The following SLC44A5 variants were observed in gnomAD, a reference collection of about 807,000 sequenced individuals.
SLC44A5 encodes the protein choline transporter-like protein 5.
A neutral mutation model predicts 101.8 loss-of-function variants in SLC44A5; 57 were observed. That is an observed-to-expected ratio of 0.56 (90% CI 0.45 to 0.70). The LOEUF is 0.70. Among genes scored for constraint, SLC44A5 ranks in the 30% least tolerant of loss-of-function variants. SLC44A5 has a pLI of 0.00. For synonymous variants in SLC44A5, 281 were observed against 290.9 expected, an observed-to-expected ratio of 0.97 and a Z score of 0.35; for missense variants, 737 against 853.1, an observed-to-expected ratio of 0.86 and a Z score of 1.70.
chr1:75,656,471 T>C, the SLC44A5 span, among the ~76,000 whole-genome samples: 3 of 152,180 alleles, frequency 2.0e-5, no homozygotes, highest in Admixed American at 6.5e-5. Context: ...AGATAGGCTA[T>C]ATAAAAAGAC....
intron 2 of SLC44A5, among the ~76,000 whole-genome samples, chr1:75,529,503 C>G (rs1022243019): frequency 1.3e-5 from 2 of 152,096 alleles, no homozygotes; most frequent in Non-Finnish European, 2.9e-5. Context: ...TCAGGGTGGC[C>G]CAGTAAATGC....
intron 9 of SLC44A5, among the ~76,000 whole-genome samples, chr1:75,239,415 T>C (rs1444181530): frequency 1.3e-5 from 2 of 152,018 alleles, no homozygotes; most frequent in African/African-American, 4.8e-5. Flanking sequence ...TTTTTTCTTA[T>C]AAGAAGCATC....
chr1:75,206,392 A>G (rs537398619), intron 23 of SLC44A5: 1 of 440,950 alleles, frequency 2.3e-6, no homozygotes, highest in Non-Finnish European at 4.0e-6. Context: ...AAAACGTTTG[A>G]CATTAACATT....
chr1:75,619,082 G>GA, the SLC44A5 span, among the ~76,000 whole-genome samples: 2 of 74,896 alleles, frequency 2.7e-5, no homozygotes, highest in African/African-American at 1.0e-4. Context: ...AAAAAAAAGG[G>GA]GGGGGGGAAG....
intron 22 of SLC44A5, among the ~76,000 whole-genome samples, chr1:75,211,830 T>C (rs553909738): frequency 6.6e-6 from 1 of 151,358 alleles, no homozygotes; most frequent in African/African-American, 2.4e-5. Flanking sequence ...TTTCTTTTCT[T>C]TTCTTTTTTT....
At chr1:75,446,680 A>ACG (rs1330173595) in intron 2 of SLC44A5, among the ~76,000 whole-genome samples, 1 of 151,962 alleles carries the variant, frequency 6.6e-6, no homozygotes, top group African/African-American at 2.4e-5. Context: ...ACACACATAC[A>ACG]CACACACAAT....
chr1:75,491,607 C>T (rs1323770797), intron 2 of SLC44A5, among the ~76,000 whole-genome samples: 2 of 152,186 alleles, frequency 1.3e-5, no homozygotes, highest in East Asian at 3.9e-4. Context: ...AGCTTCCTGG[C>T]TCATGATGCT....
At chr1:75,639,944 C>A in the SLC44A5 span, among the ~76,000 whole-genome samples, 1 of 151,948 alleles carries the variant, frequency 6.6e-6, no homozygotes, top group African/African-American at 2.4e-5. Context: ...CTTTTCCAAC[C>A]ATTGAAAGAA....
Position 75,325,225 on chromosome 1 carries a change from AAGAC to A in SLC44A5, c.101+14353_101+14356del, listed in dbSNP as rs555246395. On this transcript the variant is annotated intron_variant, in intron 4 of 23. Transcript: ENST00000370859. ...GGACTTGACCTTCACATGTGAGTAAAAGACAGAAGAGGGCACTGAGGACACCATT... is the reference window on the plus strand; with the variant it reads ...GGACTTGACCTTCACATGTGAGTAAAAGAAGAGGGCACTGAGGACACCATT... Among the ~76,000 whole-genome samples, 704 of 152,266 alleles carry A rather than the reference AAGAC, an allele frequency of 4.6e-3. 3 individuals carry two copies. Among genetic ancestry groups the A allele is most frequent in the Non-Finnish European group, 5.2e-3 (356 of 68,008 alleles).
intron 23 of SLC44A5, among the ~76,000 whole-genome samples, chr1:75,204,088 G>A (rs143849362): frequency 4.7e-4 from 72 of 152,110 alleles, no homozygotes; most frequent in South Asian, 1.2e-3. Flanking sequence ...CCAATATTGC[G>A]TGTCTCTCAG....
intron 6 of SLC44A5, among the ~76,000 whole-genome samples, chr1:75,266,973 C>T (rs1009087144): frequency 1.3e-5 from 2 of 152,190 alleles, no homozygotes; most frequent in Admixed American, 6.6e-5. Context: ...ATGAGATTGT[C>T]AGCACTATAT....
intron 13 of SLC44A5, among the ~76,000 whole-genome samples, chr1:75,224,462 C>T (rs1237798457): frequency 1.3e-5 from 2 of 152,072 alleles, no homozygotes; most frequent in African/African-American, 2.4e-5. Flanking sequence ...ATGACAGCTC[C>T]ATGTTTTTTA....
chr1:75,616,606 C>G, the SLC44A5 span, among the ~76,000 whole-genome samples: 2 of 152,200 alleles, frequency 1.3e-5, no homozygotes, highest in African/African-American at 4.8e-5. Flanking sequence ...ACAGCCTCCT[C>G]GAGGATAGCG....
chr1:75,699,805 A>G, the SLC44A5 span, among the ~76,000 whole-genome samples: 1 of 152,196 alleles, frequency 6.6e-6, no homozygotes, highest in South Asian at 2.1e-4. Context: ...AAAGAGATGG[A>G]GGAAGATCTA....
intron 3 of SLC44A5, among the ~76,000 whole-genome samples, chr1:75,374,777 T>A: frequency 6.6e-6 from 1 of 152,106 alleles, no homozygotes; most frequent in East Asian, 1.9e-4. Flanking sequence ...GCCTTGGCCC[T>A]CTAAAAGCAC....
At chr1:75,414,404 C>G (rs1480009024) in intron 2 of SLC44A5, among the ~76,000 whole-genome samples, 3 of 151,716 alleles carry the variant, frequency 2.0e-5, no homozygotes, top group African/African-American at 7.3e-5. Context: ...GCAAACCTTT[C>G]AAAGATTCTT....
chr1:75,529,937 GA>G (rs1670628288), intron 2 of SLC44A5, among the ~76,000 whole-genome samples: 1 of 152,230 alleles, frequency 6.6e-6, no homozygotes, highest in Admixed American at 6.5e-5. Flanking sequence ...ATCAGATTTG[GA>G]ATATTTACAT....
chr1:75,469,614 C>T (rs1459640532), intron 2 of SLC44A5, among the ~76,000 whole-genome samples: 1 of 152,086 alleles, frequency 6.6e-6, no homozygotes, highest in Non-Finnish European at 1.5e-5. Context: ...GGTGTCCTGG[C>T]TTTGAGACAA....
At chr1:75,388,438 C>G (rs1661551676) in intron 3 of SLC44A5, among the ~76,000 whole-genome samples, 1 of 152,060 alleles carries the variant, frequency 6.6e-6, no homozygotes, top group African/African-American at 2.4e-5. Context: ...AACAACTACA[C>G]AATTGAGACT....
Sources: gnomAD v4.1 joint callset for allele counts (sites outside exome capture counted in the v4.1 genomes callset) on GRCh38, gnomAD v4.1.1 for gene constraint, MANE v1.5 for transcripts, NCBI Gene and HGNC (gene_info 2026-07-23, HGNC 2026-07-21) for gene names.